KLHL5: variants seen among roughly 807,000 people sequenced by gnomAD.
The protein encoded by KLHL5 is kelch like family member 5.
In KLHL5, 48 loss-of-function variants were observed where a neutral mutation model predicts 77.7. That is an observed-to-expected ratio of 0.62 (90% CI 0.49 to 0.79). The LOEUF is 0.79. Ranked by LOEUF, KLHL5 falls within the 30% of genes least tolerant of loss-of-function variation. The pLI is 0.00. For missense variants in KLHL5, 723 were observed against 859.7 expected (o/e 0.84, Z 1.99); for synonymous variants, 260 against 297.0 (o/e 0.88, Z 1.28).
intron 1 of KLHL5, among the ~76,000 whole-genome samples, chr4:39,074,652 C>T (rs1718834161): frequency 6.6e-6 from 1 of 152,212 alleles, no homozygotes. Flanking sequence ...CATGAATGAA[C>T]TCTGACTCTT....
Position 39,081,781 on chromosome 4 carries a change from CAAG to C in KLHL5, c.704-181_704-179del, listed in dbSNP as rs1249496689. 3.3e-5 allele frequency among the ~76,000 whole-genome samples: 5 copies of C among 152,080 alleles called. No homozygotes were observed. The highest frequency in any genetic ancestry group is 4.8e-5 in the African/African-American group (2 of 41,406). ...TTAGTTTTTATTTTAGTAGATGTCT[CAAG>C]GAGCTAATAATTTTTTCCCCATTTA... On this transcript the variant is annotated intron_variant, in intron 3 of 10. Transcript: ENST00000504108. The surrounding 1 kb of genome is among the most constrained non-coding windows in gnomAD (Gnocchi z 4.3).
intron 1 of KLHL5, among the ~76,000 whole-genome samples, chr4:39,054,062 C>T (rs1366558360): frequency 6.6e-6 from 1 of 152,220 alleles, no homozygotes; most frequent in Non-Finnish European, 1.5e-5. Flanking sequence ...CCCCTCCCCG[C>T]TGCCTTTTGT....
In KLHL5 at chr4:39,124,048, A is replaced by G. The variant is rs1723378651; in HGVS notation, c.*2982A>G. Reference sequence around the variant, plus strand: ...GAAAAACCTGAGGGGAAATTAAAACAATTTCATTTACAATAACATGAAAAA... The same window carrying G: ...GAAAAACCTGAGGGGAAATTAAAACGATTTCATTTACAATAACATGAAAAA... On this transcript the variant is annotated 3_prime_UTR_variant, in exon 11 of 11. Transcript: ENST00000504108. Among the ~76,000 whole-genome samples the G allele has an allele frequency of 6.6e-6, 1 of 152,218 alleles. No individual in the cohort carries two copies. The highest frequency in any genetic ancestry group is 1.5e-5 in the Non-Finnish European group (1 of 68,024).
In KLHL5 at chr4:39,121,958, GC is replaced by G. The variant is rs1723233535; in HGVS notation, c.*894del. 6.6e-6 allele frequency: 1 copy of G among 152,502 alleles called. No individual in the cohort carries two copies. The highest frequency in any genetic ancestry group is 6.5e-5 in the Admixed American group (1 of 15,276). 9.4% of individuals were successfully genotyped at this position (152,502 alleles called of 1,614,324 possible). On this transcript the variant is annotated 3_prime_UTR_variant, in exon 11 of 11. Coordinates refer to ENST00000504108, the MANE Select transcript of KLHL5 (RefSeq NM_015990.5). ...TCCTTATGTTCTCAAGTCTGTATCT[GC>G]CTCCCCTGCCTTATTTCTTATGTTT...
chr4:39,062,342 C>T lies in KLHL5; in HGVS notation c.-311C>T. 7.0e-7 allele frequency: 1 copy of T among 1,419,520 alleles called. No homozygotes were observed. 87.9% of individuals were successfully genotyped at this position (1,419,520 alleles called of 1,614,324 possible). A position where few individuals can be genotyped will look rare whatever the true frequency, so the allele number is the denominator to read the frequency against. ...TGAATGCTGTCAGTGTTTGTGAGAC[C>T]TAATGGTCAGTATGGGAAAGGAGAG... On this transcript the variant is annotated 5_prime_UTR_variant, in exon 1 of 11. Coordinates refer to ENST00000504108, the MANE Select transcript of KLHL5 (RefSeq NM_015990.5).
rs1202080192 is a variant in KLHL5 at position 39,124,152 on chromosome 4, A to G, written c.*3086A>G. ...GAAAAGTACAAAACGTTGCTGAAAG[A>G]AATTAAAGAAGACCTAAATAAATGG... On this transcript the variant is annotated 3_prime_UTR_variant, in exon 11 of 11. Coordinates refer to ENST00000504108, the MANE Select transcript of KLHL5 (RefSeq NM_015990.5). Among the ~76,000 whole-genome samples the G allele has an allele frequency of 6.6e-6, 1 of 152,210 alleles. No individual in the cohort carries two copies. Among genetic ancestry groups the G allele is most frequent in the Non-Finnish European group, 1.5e-5 (1 of 68,022 alleles).
intron 1 of KLHL5, among the ~76,000 whole-genome samples, chr4:39,067,008 T>C (rs1717948125): frequency 6.6e-6 from 1 of 152,226 alleles, no homozygotes. Context: ...TCCCCTGTTA[T>C]TTATATCTCA....
intron 7 of KLHL5, among the ~76,000 whole-genome samples, chr4:39,106,441 AG>A (rs1722043392): frequency 2.0e-5 from 3 of 152,220 alleles, no homozygotes; most frequent in African/African-American, 4.8e-5. Flanking sequence ...AAGATTTATG[AG>A]GGCACAGCCC....
intron 1 of KLHL5, among the ~76,000 whole-genome samples, chr4:39,045,264 T>A (rs1179087403): frequency 3.3e-5 from 5 of 150,010 alleles, no homozygotes; most frequent in Non-Finnish European, 7.4e-5. Flanking sequence ...CCGGAGGGGC[T>A]GGGCCGGGCG....
At chr4:39,128,712 C>G (rs1723666315), downstream of KLHL5, among the ~76,000 whole-genome samples, 1 of 152,146 alleles carries the variant, frequency 6.6e-6, no homozygotes, top group Admixed American at 6.5e-5. Context: ...CCTGTAATCC[C>G]AGCACTTTGG....
chr4:39,129,847 G>A (rs146427259), downstream of KLHL5, among the ~76,000 whole-genome samples: 353 of 152,280 alleles, frequency 2.3e-3, 2 homozygotes, highest in African/African-American at 8.2e-3. This position sits in a 1 kb window ranked among gnomAD's most constrained non-coding sequence, Gnocchi z 4.2. Context: ...TGATTGGTCA[G>A]ATCCCTTCCA....
chr4:39,090,130 T>A (rs2109426384), intron 5 of KLHL5, among the ~76,000 whole-genome samples: 1 of 152,302 alleles, frequency 6.6e-6, no homozygotes, highest in South Asian at 2.1e-4. Context: ...ATGTTTTATT[T>A]TAAAAGGTAG....
At chr4:39,090,714 G>T (rs1720453902) in intron 5 of KLHL5, among the ~76,000 whole-genome samples, 1 of 152,068 alleles carries the variant, frequency 6.6e-6, no homozygotes. Flanking sequence ...CTCCCAAAAT[G>T]CTGGGATTAC....
downstream of KLHL5, among the ~76,000 whole-genome samples, chr4:39,130,156 G>C (rs540869533): frequency 5.3e-5 from 8 of 152,298 alleles, no homozygotes; most frequent in Non-Finnish European, 1.0e-4. Context: ...ACAGCCTTCA[G>C]AGCAGAGAGC....
chr4:39,066,480 C>CTTTTTTT (rs550719357), intron 1 of KLHL5, among the ~76,000 whole-genome samples: 208 of 152,234 alleles, frequency 1.4e-3, no homozygotes, highest in African/African-American at 4.8e-3. Flanking sequence ...TTTTACTGCA[C>CTTTTTTT]TTTACAAGTA....
At chr4:39,118,112 C>A (rs1189220636) in intron 10 of KLHL5, among the ~76,000 whole-genome samples, 1 of 150,166 alleles carries the variant, frequency 6.7e-6, no homozygotes, top group Non-Finnish European at 1.5e-5. Flanking sequence ...GCTAGAGAGG[C>A]ATGCAGTTTT....
At chr4:39,119,334 C>A (rs1723057469) in intron 10 of KLHL5, among the ~76,000 whole-genome samples, 1 of 152,138 alleles carries the variant, frequency 6.6e-6, no homozygotes, top group South Asian at 2.1e-4. Context: ...CCCCTGTAAT[C>A]CCGGCACTTT....
intron 1 of KLHL5, among the ~76,000 whole-genome samples, chr4:39,064,702 A>C (rs1027595446): frequency 6.6e-6 from 1 of 152,170 alleles, no homozygotes; most frequent in African/African-American, 2.4e-5. Context: ...CTGAAATAAA[A>C]TTAAGCTATT....
At position 39,113,189 on chromosome 4, in the gene KLHL5, C is replaced by T; in HGVS notation, c.1858C>T (p.Pro620Ser). 8 of 1,614,038 alleles carry T rather than the reference C, an allele frequency of 5.0e-6. No homozygotes were observed. The highest frequency in any genetic ancestry group is 5.1e-6 in the Non-Finnish European group (6 of 1,179,972). Residue 620 changes from proline (P) to serine (S), a missense_variant, in exon 9 of 11, where the codon CCC (proline) becomes TCC (serine). Transcript: ENST00000504108. ...LLYAIGGHDA[P>S]ASNLTSRLSD... The stretch of plus-strand genomic sequence containing the variant: ...GTATGCTATAGGGGGGCACGATGCT[C>T]CCGCATCCAACTTGACTTCCAGACT...
Sources: allele counts gnomAD v4.1 joint callset (sites outside exome capture counted in the v4.1 genomes callset), GRCh38; gene constraint gnomAD v4.1.1; non-coding constraint Gnocchi (gnomAD v3.1); transcripts MANE v1.5; gene names NCBI Gene and HGNC (gene_info 2026-07-23, HGNC 2026-07-21).